The following TIMM23 variants were observed in gnomAD, a reference collection of about 807,000 sequenced individuals.
TIMM23 encodes translocase of inner mitochondrial membrane 23.
TIMM23 carries 19 observed loss-of-function variants against 30.7 expected under a neutral mutation model. That is an observed-to-expected ratio of 0.62 (90% CI 0.43 to 0.91). The LOEUF (loss-of-function observed/expected upper bound fraction) is 0.91. Among genes scored for constraint, TIMM23 ranks in the 40% least tolerant of loss-of-function variants. The pLI, the probability that TIMM23 is intolerant of heterozygous loss-of-function variation, is 0.00. For missense variants in TIMM23, 202 were observed against 269.2 expected, an observed-to-expected ratio of 0.75 and a Z score of 1.75; for synonymous variants, 78 against 98.5, an observed-to-expected ratio of 0.79 and a Z score of 1.23.
In TIMM23 at chr10:45,996,000, C is replaced by T. The variant is rs1276972228; in HGVS notation, c.514+7153C>T. The stretch of plus-strand genomic sequence containing the variant: ...AAGTGTCTGATGCATAATAAACCAA[C>T]CTAACAAAAAATGCTGCCTTTCGGA... On this transcript the variant is annotated intron_variant, in intron 6 of 6. Transcript: ENST00000580018. Among the ~76,000 whole-genome samples the T allele has an allele frequency of 7.9e-4, 119 of 150,010 alleles. 11 individuals carry two copies. Among genetic ancestry groups the T allele is most frequent in the African/African-American group, 2.9e-3 (113 of 39,362 alleles).
At chr10:45,981,643 A>G (rs1837848402) in intron 2 of TIMM23, among the ~76,000 whole-genome samples, 1 of 152,134 alleles carries the variant, frequency 6.6e-6, no homozygotes, top group African/African-American at 2.4e-5. Flanking sequence ...AGTATTTGCC[A>G]CAAGGATGTA....
At chr10:45,976,002 A>G (rs1837662469) in intron 2 of TIMM23, among the ~76,000 whole-genome samples, 1 of 152,174 alleles carries the variant, frequency 6.6e-6, no homozygotes, top group South Asian at 2.1e-4. Flanking sequence ...GGGTTTCACC[A>G]TGTTGGCCAG....
At chr10:45,983,657 A>G (rs1466985554) in intron 4 of TIMM23, among the ~76,000 whole-genome samples, 2 of 152,166 alleles carry the variant, frequency 1.3e-5, no homozygotes, top group Non-Finnish European at 2.9e-5. Flanking sequence ...AGGACACTTT[A>G]AACTCCATCT....
At chr10:45,997,518 T>C (rs1765329334) in intron 6 of TIMM23, among the ~76,000 whole-genome samples, 1 of 152,156 alleles carries the variant, frequency 6.6e-6, no homozygotes, top group African/African-American at 2.4e-5. Context: ...CCTCTGAAGA[T>C]AGATGTTGGT....
chr10:45,994,098 G>A (rs1314343709), intron 6 of TIMM23, among the ~76,000 whole-genome samples: 1 of 152,114 alleles, frequency 6.6e-6, no homozygotes, highest in Non-Finnish European at 1.5e-5. Context: ...CTAGCACTTT[G>A]GGAGGCCGAG....
chr10:46,002,545 T>C, intron 6 of TIMM23: 2 of 969,326 alleles, frequency 2.1e-6, no homozygotes, highest in Non-Finnish European at 2.5e-6. Flanking sequence ...CCAAATAGGG[T>C]GTCACCTTGT....
chr10:45,981,239 A>C (rs1344998516), intron 2 of TIMM23, among the ~76,000 whole-genome samples: 3 of 121,034 alleles, frequency 2.5e-5, no homozygotes, highest in African/African-American at 9.7e-5. Flanking sequence ...GTGCCTGGCC[A>C]AGTTTTCTAT....
chr10:46,001,502 C>T (rs1838535618), intron 6 of TIMM23, among the ~76,000 whole-genome samples: 1 of 152,096 alleles, frequency 6.6e-6, no homozygotes, highest in Admixed American at 6.6e-5. Flanking sequence ...GGGGGAGTGG[C>T]CCTTTAATCC....
At chr10:45,973,052 C>T (rs1287968846) in intron 1 of TIMM23, among the ~76,000 whole-genome samples, 12 of 152,034 alleles carry the variant, frequency 7.9e-5, no homozygotes, top group Admixed American at 7.9e-4. Flanking sequence ...AGAGTAGAGC[C>T]GAGCTTTGGG....
In TIMM23 at chr10:46,003,515, C is replaced by T. The variant is rs1838620340; in HGVS notation, c.*197C>T. 2 of 491,382 alleles carry T rather than the reference C, an allele frequency of 4.1e-6. No homozygotes were observed. Among genetic ancestry groups the T allele is most frequent in the Admixed American group, 3.5e-5 (1 of 28,932 alleles). 30.4% of individuals were successfully genotyped at this position (491,382 alleles called of 1,614,324 possible). A position where few individuals can be genotyped will look rare whatever the true frequency, so the allele number is the denominator to read the frequency against. On this transcript the variant is annotated 3_prime_UTR_variant, in exon 7 of 7. Transcript: ENST00000580018. ...GCCATTAGTGAGTTGAAGCCAAAGC[C>T]CTTTGGTGACTCACTGAGTACCATG...
chr10:45,996,658 A>C (rs1209642695), intron 6 of TIMM23, among the ~76,000 whole-genome samples: 1 of 152,036 alleles, frequency 6.6e-6, no homozygotes, highest in East Asian at 1.9e-4. Flanking sequence ...AATGGTGTTT[A>C]GTGTGCCCAT....
chr10:45,975,687 A>G (rs1229011719), intron 2 of TIMM23, among the ~76,000 whole-genome samples, 175 bp downstream of exon 2: 3 of 152,152 alleles, frequency 2.0e-5, no homozygotes, highest in Admixed American at 1.3e-4. Flanking sequence ...CTCTGAAACC[A>G]GTTAACTCCC....
rs587723056 is a variant in TIMM23, at chr10:45,977,465, G to A, written c.165+1953G>A. Among the ~76,000 whole-genome samples the A allele has an allele frequency of 7.0e-3, 1,067 of 152,276 alleles. 5 individuals are homozygous for A. Among genetic ancestry groups the A allele is most frequent in the Non-Finnish European group, 9.9e-3 (672 of 68,030 alleles). The stretch of plus-strand genomic sequence containing the variant: ...AAGGATGCCAAGATAGTTAAGTCAG[G>A]GGAGACGTTAGGACAACTGGAATCC... On this transcript the variant is annotated intron_variant, in intron 2 of 6. Coordinates refer to ENST00000580018, the MANE Select transcript of TIMM23 (RefSeq NM_006327.4).
At chr10:45,998,144 G>A (rs1447814524) in intron 6 of TIMM23, among the ~76,000 whole-genome samples, 1 of 152,126 alleles carries the variant, frequency 6.6e-6, no homozygotes, top group Non-Finnish European at 1.5e-5. Flanking sequence ...GGTTATATAA[G>A]TACCTACATA....
intron 5 of TIMM23, among the ~76,000 whole-genome samples, chr10:45,987,887 G>T (rs1480723757): frequency 3.3e-5 from 5 of 152,032 alleles, no homozygotes; most frequent in Admixed American, 1.3e-4. Context: ...CTCCCAAAGT[G>T]CTGGGATTAC....
Position 45,972,597 on chromosome 10 carries a change from C to G in TIMM23, c.-28C>G. The G allele has an allele frequency of 1.3e-6, 2 of 1,594,638 alleles. No homozygotes were observed. Among genetic ancestry groups the G allele is most frequent in the Non-Finnish European group, 1.7e-6 (2 of 1,166,706 alleles). On this transcript the variant is annotated 5_prime_UTR_variant, in exon 1 of 7. Coordinates refer to ENST00000580018, the MANE Select transcript of TIMM23 (RefSeq NM_006327.4). Reference sequence around the variant, plus strand: ...GGACCACCCAGGCTTGAGGCAGCGGCGGGAACCACTCGGTTTGCTGCGATA... The same window carrying G: ...GGACCACCCAGGCTTGAGGCAGCGGGGGGAACCACTCGGTTTGCTGCGATA...
intron 6 of TIMM23, among the ~76,000 whole-genome samples, chr10:45,998,622 T>C (rs939147217): frequency 5.3e-5 from 8 of 152,174 alleles, no homozygotes; most frequent in African/African-American, 1.9e-4. Flanking sequence ...ACATGGCTGG[T>C]ATGTGGTAAA....
rs782182426 is a variant in TIMM23, at chr10:45,975,419, T to C, written c.107-35T>C. The C allele has an allele frequency of 5.0e-5, 80 of 1,612,820 alleles. No individual in the cohort carries two copies. In the Admixed American group the frequency reaches 1.3e-3, roughly 26 times the overall value. ...ACTCTAACTGGATTAACTTAAAGAATTTTGTTGCAATGTGACATTTTGTTT... is the reference window on the plus strand; with the variant it reads ...ACTCTAACTGGATTAACTTAAAGAACTTTGTTGCAATGTGACATTTTGTTT... On this transcript the variant is annotated intron_variant, in intron 1 of 6. Transcript: ENST00000580018.
chr10:45,997,442 G>A (rs1313829614), intron 6 of TIMM23, among the ~76,000 whole-genome samples: 1 of 152,120 alleles, frequency 6.6e-6, no homozygotes, highest in Non-Finnish European at 1.5e-5. Context: ...AATGGAAGAC[G>A]GCTGGGATGG....
Sources: gnomAD v4.1 joint callset for allele counts (sites outside exome capture counted in the v4.1 genomes callset) on GRCh38, gnomAD v4.1.1 for gene constraint, MANE v1.5 for transcripts, NCBI Gene and HGNC (gene_info 2026-07-23, HGNC 2026-07-21) for gene names.